The following LRRC4C variants were observed in gnomAD, a reference collection of about 807,000 sequenced individuals.
The protein encoded by LRRC4C is leucine-rich repeat-containing protein 4C.
Under a neutral mutation model 33.6 loss-of-function variants are expected in LRRC4C, and 5 were observed. The observed-to-expected ratio is 0.15, with a 90% CI of 0.08 to 0.31. LRRC4C has a LOEUF of 0.31. LRRC4C is among the 10% of genes least tolerant of loss of function. The probability of loss-of-function intolerance (pLI) is 1.00; values close to 1 mark genes in which losing one functional copy is unlikely to be tolerated. For missense variants in LRRC4C, 560 were observed against 796.7 expected, an observed-to-expected ratio of 0.70 and a Z score of 3.58; for synonymous variants, 329 against 302.0, an observed-to-expected ratio of 1.09 and a Z score of -0.93.
chr11:40,738,890 A>T (rs1229635690), intron 2 of LRRC4C, among the ~76,000 whole-genome samples: 1 of 152,052 alleles, frequency 6.6e-6, no homozygotes, highest in African/African-American at 2.4e-5. Context: ...CTTTAATGAG[A>T]TGCAATTGAC....
At chr11:41,140,410 C>T (rs1181471795) in intron 1 of LRRC4C, among the ~76,000 whole-genome samples, 2 of 115,742 alleles carry the variant, frequency 1.7e-5, no homozygotes, top group Non-Finnish European at 4.1e-5. Flanking sequence ...ATTAGCTGAA[C>T]TGTTTTATTC....
intron 1 of LRRC4C, among the ~76,000 whole-genome samples, chr11:41,249,934 T>C (rs2136633761): frequency 6.6e-6 from 1 of 152,114 alleles, no homozygotes; most frequent in East Asian, 1.9e-4. Flanking sequence ...GAATAGTGCC[T>C]GATCTGATCA....
intron 1 of LRRC4C, among the ~76,000 whole-genome samples, chr11:41,437,962 T>TGTGAGCTGGAAGCTGCA (rs1157578354): frequency 1.3e-5 from 2 of 151,834 alleles, no homozygotes; most frequent in African/African-American, 4.8e-5. Flanking sequence ...AACTTGAACC[T>TGTGAGCTGGAAGCTGCA]GTGAGCTGGA....
chr11:40,140,236 C>T (rs1190996700), intron 6 of LRRC4C, among the ~76,000 whole-genome samples: 1 of 152,202 alleles, frequency 6.6e-6, no homozygotes, highest in Non-Finnish European at 1.5e-5. Context: ...AGCAAAGAGT[C>T]AGTGTTCCTG....
At chr11:41,369,184 A>C (rs1952652799) in intron 1 of LRRC4C, among the ~76,000 whole-genome samples, 1 of 152,226 alleles carries the variant, frequency 6.6e-6, no homozygotes, top group Admixed American at 6.5e-5. Flanking sequence ...GTGAAAGATA[A>C]ATACATATGC....
intron 2 of LRRC4C, among the ~76,000 whole-genome samples, chr11:40,684,819 A>G (rs2136354789): frequency 6.6e-6 from 1 of 152,144 alleles, no homozygotes; most frequent in South Asian, 2.1e-4. Context: ...TACAATGAAA[A>G]TAAGGAGCTA....
chr11:40,528,178 A>G (rs570545438), intron 3 of LRRC4C, among the ~76,000 whole-genome samples: 39 of 152,216 alleles, frequency 2.6e-4, no homozygotes, highest in Non-Finnish European at 4.4e-4. Context: ...AAATAGGCAA[A>G]TGGAACTCTA....
intron 1 of LRRC4C, among the ~76,000 whole-genome samples, chr11:40,981,835 A>G (rs1001747077): frequency 6.6e-6 from 1 of 152,260 alleles, no homozygotes; most frequent in Non-Finnish European, 1.5e-5. Context: ...ATCAGCACAG[A>G]TAAGTAATGA....
intron 3 of LRRC4C, among the ~76,000 whole-genome samples, chr11:40,529,796 G>A (rs1246880333): frequency 2.6e-5 from 4 of 152,010 alleles, no homozygotes; most frequent in Non-Finnish European, 5.9e-5. Flanking sequence ...ACTCTATGTT[G>A]ATCATCTTCA....
intron 1 of LRRC4C, among the ~76,000 whole-genome samples, chr11:41,332,424 T>C (rs889193705): frequency 6.6e-6 from 1 of 152,170 alleles, no homozygotes; most frequent in South Asian, 2.1e-4. Context: ...GGTTTCCTAA[T>C]GAAGCTCTAG....
intron 1 of LRRC4C, among the ~76,000 whole-genome samples, chr11:40,991,302 T>A (rs1333183934): frequency 6.6e-6 from 1 of 151,918 alleles, no homozygotes; most frequent in Non-Finnish European, 1.5e-5. Flanking sequence ...TTTAAACCTG[T>A]ATAACTCAGT....
intron 3 of LRRC4C, among the ~76,000 whole-genome samples, chr11:40,427,098 A>T (rs1219418551): frequency 6.6e-6 from 1 of 152,236 alleles, no homozygotes; most frequent in East Asian, 1.9e-4. Flanking sequence ...AGAGACAGGA[A>T]AAACATGAGT....
At chr11:41,194,935 G>A (rs574302659) in intron 1 of LRRC4C, among the ~76,000 whole-genome samples, 13 of 151,856 alleles carry the variant, frequency 8.6e-5, no homozygotes, top group South Asian at 2.1e-4. Context: ...TAGTTCCTGC[G>A]GAGGAGAAAT....
At position 40,898,973 on chromosome 11, in the gene LRRC4C, C is replaced by T. The variant is rs1956091206; in HGVS notation, c.-407+34662G>A. On this transcript the variant is annotated intron_variant, in intron 2 of 6. Coordinates refer to ENST00000528697, the MANE Select transcript of LRRC4C (RefSeq NM_001258419.2). ...ACATACATTAAAATTGAGAATCAAACTTTTTGGAAGAAGTTATTGAATTTT... is the reference window on the plus strand; with the variant it reads ...ACATACATTAAAATTGAGAATCAAATTTTTTGGAAGAAGTTATTGAATTTT... 2.6e-5 allele frequency among the ~76,000 whole-genome samples: 4 copies of T among 151,854 alleles called. No individual in the cohort carries two copies. In the South Asian group the frequency reaches 8.3e-4, roughly 32 times the overall value.
chr11:41,252,988 G>T (rs558032292), intron 1 of LRRC4C, among the ~76,000 whole-genome samples: 2 of 152,122 alleles, frequency 1.3e-5, no homozygotes, highest in African/African-American at 4.8e-5. Flanking sequence ...ATGAGACTTG[G>T]ATGGGGACAC....
At chr11:40,267,351 T>C (rs186856705) in intron 4 of LRRC4C, among the ~76,000 whole-genome samples, 96 of 152,248 alleles carry the variant, frequency 6.3e-4, no homozygotes, top group Non-Finnish European at 1.1e-3. Flanking sequence ...ATATGTTGTA[T>C]GAAGTATTTT....
intron 4 of LRRC4C, among the ~76,000 whole-genome samples, chr11:40,294,577 C>G (rs1286506213): frequency 2.0e-5 from 3 of 152,036 alleles, no homozygotes; most frequent in Non-Finnish European, 4.4e-5. Flanking sequence ...GCCTGTAATC[C>G]CAGCCCTTTG....
intron 2 of LRRC4C, among the ~76,000 whole-genome samples, chr11:40,891,500 C>G (rs566915014): frequency 6.6e-6 from 1 of 152,136 alleles, no homozygotes; most frequent in South Asian, 2.1e-4. Context: ...TGCAAACTAT[C>G]CATCTAACAA....
chr11:40,852,390 T>A (rs568508768), intron 2 of LRRC4C, among the ~76,000 whole-genome samples: 1 of 152,198 alleles, frequency 6.6e-6, no homozygotes, highest in South Asian at 2.1e-4. Context: ...TCTGCAAACT[T>A]GGGTGATAAG....
Sources: allele counts gnomAD v4.1 joint callset (sites outside exome capture counted in the v4.1 genomes callset), GRCh38; gene constraint gnomAD v4.1.1; transcripts MANE v1.5; gene names NCBI Gene and HGNC (gene_info 2026-07-23, HGNC 2026-07-21).